Variants in PACSIN2 observed in about 807,000 individuals in gnomAD.
PACSIN2 encodes protein kinase C and casein kinase substrate in neurons 2, also known as protein kinase C and casein kinase substrate in neurons protein 2.
PACSIN2 carries 25 observed loss-of-function variants against 63.8 expected under a neutral mutation model. The ratio of observed to expected loss-of-function variants is 0.39; its 90% confidence interval spans 0.29 to 0.55. The LOEUF (loss-of-function observed/expected upper bound fraction) is 0.55. Among genes scored for constraint, PACSIN2 ranks in the 20% least tolerant of loss-of-function variants. The pLI is 0.62. For synonymous variants in PACSIN2, 255 were observed against 256.2 expected (o/e 1.00, Z 0.05); for missense variants, 518 against 646.9 (o/e 0.80, Z 2.16).
At chr22:42,944,591 G>C (rs1933324018) in intron 1 of PACSIN2, among the ~76,000 whole-genome samples, 1 of 152,150 alleles carries the variant, frequency 6.6e-6, no homozygotes, top group Non-Finnish European at 1.5e-5. Flanking sequence ...AGAAAAAATA[G>C]CTTGGACAAA....
At chr22:42,974,392 T>A (rs938814143) in intron 1 of PACSIN2, among the ~76,000 whole-genome samples, 30 of 152,116 alleles carry the variant, frequency 2.0e-4, no homozygotes, top group Non-Finnish European at 7.4e-5. Flanking sequence ...CCTTTGCCAA[T>A]GATTTCCATT....
At chr22:42,938,586 T>A (rs531204434) in intron 1 of PACSIN2, among the ~76,000 whole-genome samples, 1 of 152,156 alleles carries the variant, frequency 6.6e-6, no homozygotes, top group Non-Finnish European at 1.5e-5. Flanking sequence ...TGTCCAAACA[T>A]GAAGAATGCC....
intron 1 of PACSIN2, among the ~76,000 whole-genome samples, chr22:42,943,319 T>G (rs1482644376): frequency 1.3e-5 from 2 of 152,214 alleles, no homozygotes; most frequent in Admixed American, 6.5e-5. Context: ...TTATATAAGA[T>G]CATGCCATCT....
intron 4 of PACSIN2, among the ~76,000 whole-genome samples, chr22:42,890,593 C>T (rs111948232): frequency 0.017 from 2,584 of 152,178 alleles, 80 homozygotes; most frequent in African/African-American, 0.06. Flanking sequence ...TGGCATGTGC[C>T]GGTAGTCCCA....
At chr22:42,968,575 A>T (rs111580230) in intron 1 of PACSIN2, among the ~76,000 whole-genome samples, 2 of 152,236 alleles carry the variant, frequency 1.3e-5, no homozygotes, top group Non-Finnish European at 2.9e-5. Context: ...AGGAAAACCT[A>T]GAAACCTAGT....
chr22:42,883,603 G>A (rs960774482), intron 6 of PACSIN2, among the ~76,000 whole-genome samples: 2 of 152,174 alleles, frequency 1.3e-5, no homozygotes, highest in East Asian at 3.9e-4. Context: ...TGCTGTCCTG[G>A]GGGCTGAGAG....
intron 1 of PACSIN2, among the ~76,000 whole-genome samples, chr22:42,926,613 G>A (rs12484174): frequency 9.9e-5 from 15 of 152,134 alleles, no homozygotes; most frequent in Admixed American, 9.8e-4. Context: ...AAAAAGAGAG[G>A]GGGGAAAACA....
At chr22:43,005,187 T>C (rs1396203151) in intron 1 of PACSIN2, among the ~76,000 whole-genome samples, 1 of 152,206 alleles carries the variant, frequency 6.6e-6, no homozygotes, top group Non-Finnish European at 1.5e-5. Context: ...TGCTCACACC[T>C]TTATCATTTG....
rs562873869 is a variant in PACSIN2 at position 42,909,755 on chromosome 22, G to A, written c.60+2266C>T. Among the ~76,000 whole-genome samples the A allele has an allele frequency of 4.6e-5, 7 of 152,322 alleles. No individual in the cohort carries two copies. The South Asian group carries it at 1.2e-3, about 27-fold the overall frequency. On this transcript the variant is annotated intron_variant, in intron 2 of 10. Transcript: ENST00000263246. ...TATGCTGACAATATACACTGGCAAC[G>A]TTCACCTGAATGTTTTTTAACAAGC...
intron 1 of PACSIN2, among the ~76,000 whole-genome samples, chr22:43,001,178 G>A (rs748950030): frequency 6.6e-6 from 1 of 152,244 alleles, no homozygotes; most frequent in Non-Finnish European, 1.5e-5. Context: ...GCTGAGCAGG[G>A]ATTTCTCAGG....
At chr22:42,919,304 C>T (rs747596530) in intron 1 of PACSIN2, among the ~76,000 whole-genome samples, 2 of 152,138 alleles carry the variant, frequency 1.3e-5, no homozygotes, top group Non-Finnish European at 2.9e-5. Flanking sequence ...CTCTCATTAC[C>T]TCCCAGGGTA....
intron 1 of PACSIN2, among the ~76,000 whole-genome samples, chr22:42,921,309 AGATTGTGTCACTGTCGCCCACCCT>A (rs1001451573): frequency 6.6e-6 from 1 of 150,618 alleles, no homozygotes; most frequent in Non-Finnish European, 1.5e-5. Context: ...CAGTGAGCCG[AGATTGTGTCACTGTCGCCCACCCT>A]GGGCGACAGT....
chr22:42,973,308 C>A lies in PACSIN2; in HGVS notation c.-78+41713G>T, dbSNP rs182993805. On this transcript the variant is annotated intron_variant, in intron 1 of 10. Transcript: ENST00000263246. ...CAGACTCTGTCACAGGTCTCGCCCA[C>A]AAGGCAATCCCTCCTGAGCAACTTC... Among the ~76,000 whole-genome samples the A allele has an allele frequency of 3.3e-5, 5 of 152,358 alleles. No homozygotes were observed. In the East Asian group the frequency reaches 9.6e-4, roughly 29 times the overall value.
chr22:42,882,404 C>T (rs749666420), intron 6 of PACSIN2, 100 bp from the exon 7 acceptor site: 4 of 1,372,210 alleles, frequency 2.9e-6, no homozygotes, highest in Non-Finnish European at 4.0e-6. Flanking sequence ...TCTCTGCCCT[C>T]TGTGAGTTGG....
In PACSIN2 at chr22:42,893,425, CAGGCCACA is replaced by C. The variant is rs1318864370; in HGVS notation, c.217+24_217+31del. On this transcript the variant is annotated intron_variant, in intron 3 of 10. Transcript: ENST00000263246. The stretch of plus-strand genomic sequence containing the variant: ...CCCCCGGCTGGGGTGTAGCTGCCTC[CAGGCCACA>C]GGACCTGTGCCGGGGCCCCATACCT... The C allele has an allele frequency of 2.5e-6, 4 of 1,605,510 alleles. No homozygotes were observed. The Admixed American group carries it at 6.7e-5, about 27-fold the overall frequency.
rs527652135 is a variant in PACSIN2, at chr22:42,986,548, G to T, written c.-78+28473C>A. On this transcript the variant is annotated intron_variant, in intron 1 of 10. Coordinates refer to ENST00000263246, the MANE Select transcript of PACSIN2 (RefSeq NM_001184970.3). ...CCACAGTTCACGGAGGCCTTTTGGG[G>T]CCCTGCACGCTGCTGAGTGCACATG... Among the ~76,000 whole-genome samples the T allele has an allele frequency of 1.3e-3, 195 of 152,252 alleles. 1 individual carries two copies. The highest frequency in any genetic ancestry group is 4.5e-3 in the African/African-American group (188 of 41,550).
chr22:42,904,627 G>A (rs776721601), intron 2 of PACSIN2, among the ~76,000 whole-genome samples: 2 of 152,166 alleles, frequency 1.3e-5, no homozygotes, highest in East Asian at 1.9e-4. Context: ...GTGGGGAAAC[G>A]CCAGCTGGGA....
rs142332762 is a variant in PACSIN2 at position 42,955,757 on chromosome 22, C to G, written c.-77-43600G>C. ...TAATGGTAGGATCTGACTAAGTGAA[C>G]CTGAGGTGACCGTCCCTATAGATGG... On this transcript the variant is annotated intron_variant, in intron 1 of 10. Transcript: ENST00000263246. 6.9e-4 allele frequency among the ~76,000 whole-genome samples: 105 copies of G among 152,314 alleles called. 1 individual carries two copies. Among genetic ancestry groups the G allele is most frequent in the Admixed American group, 1.6e-3 (24 of 15,306 alleles).
At chr22:42,968,880 G>A (rs1921033394) in intron 1 of PACSIN2, among the ~76,000 whole-genome samples, 1 of 152,192 alleles carries the variant, frequency 6.6e-6, no homozygotes, top group South Asian at 2.1e-4. Flanking sequence ...TGGACTGAGA[G>A]CTACATGACT....
Sources: allele counts gnomAD v4.1 joint callset (sites outside exome capture counted in the v4.1 genomes callset), GRCh38; gene constraint gnomAD v4.1.1; transcripts MANE v1.5; gene names NCBI Gene and HGNC (gene_info 2026-07-23, HGNC 2026-07-21).